BCAN: variants seen among roughly 807,000 people sequenced by gnomAD.
BCAN encodes the protein brevican, also known as brevican core protein.
In BCAN, 51 loss-of-function variants were observed where a neutral mutation model predicts 92.4. The observed-to-expected ratio is 0.55, with a 90% CI of 0.44 to 0.70. The LOEUF (loss-of-function observed/expected upper bound fraction) is 0.70, where lower values mean the gene tolerates loss of function less well. Among genes scored for constraint, BCAN ranks in the 30% least tolerant of loss-of-function variants. The pLI, the probability that BCAN is intolerant of heterozygous loss-of-function variation, is 0.00. For missense variants in BCAN, 1,140 were observed against 1,212.1 expected (o/e 0.94, Z 0.88); for synonymous variants, 501 against 505.2 (o/e 0.99, Z 0.11).
At chr1:156,657,587 C>A in intron 10 of BCAN, 88 bp from the exon 11 acceptor site, 1 of 1,100,662 alleles carries the variant, frequency 9.1e-7, no homozygotes, top group Non-Finnish European at 1.3e-6. Flanking sequence ...GGAAGGGTTT[C>A]CAAGGCAGTC....
chr1:156,643,904 T>C (rs967933950), intron 1 of BCAN: 4 of 152,210 alleles, frequency 2.6e-5, no homozygotes, highest in African/African-American at 7.3e-5. Context: ...TGTGGCCTGC[T>C]CTGGAGGAAG....
At chr1:156,646,633 A>G in intron 2 of BCAN, 168 bp from the exon 3 acceptor site, 3 of 1,172,818 alleles carry the variant, frequency 2.6e-6, no homozygotes, top group Non-Finnish European at 3.4e-6. Context: ...TGGAGGACCT[A>G]GAGGTAGGGC....
rs763994015 is a variant in BCAN, at chr1:156,651,662, C to A, written c.1270C>A (p.Pro424Thr). Residue 424 changes from proline (P) to threonine (T), a missense_variant, in exon 7 of 14, where the codon CCA (proline) becomes ACA (threonine). By Grantham distance (38) the Pro-to-Thr change is conservative. Around this residue, in one of 3 missense-constraint regions of BCAN, gnomAD observed 825 missense variants for 871.8 expected, o/e 0.95. Transcript: ENST00000329117. ...AGGTGGAAGCTCCACTCCAGAAGAC[C>A]CAGCAGAGGCCCCTAGGACGCTCCT... ...GGGGSSTPEDPAEAPRTLLEF... is the reference protein window; with the variant it reads ...GGGGSSTPEDTAEAPRTLLEF... The A allele has an allele frequency of 6.2e-7, 1 of 1,613,036 alleles. No homozygotes were observed. Among genetic ancestry groups the A allele is most frequent in the Non-Finnish European group, 8.5e-7 (1 of 1,179,824 alleles).
chr1:156,650,496 T>C (rs1314040633), intron 6 of BCAN, among the ~76,000 whole-genome samples: 2 of 152,210 alleles, frequency 1.3e-5, no homozygotes, highest in Admixed American at 6.5e-5. Context: ...TAAACCATTC[T>C]AAACTTCTGG....
chr1:156,658,457 G>T lies in BCAN; in HGVS notation c.2438-86G>T. The T allele has an allele frequency of 2.6e-6, 4 of 1,516,026 alleles. No individual in the cohort carries two copies. Among genetic ancestry groups the T allele is most frequent in the Admixed American group, 2.0e-5 (1 of 50,900 alleles). 93.9% of individuals were successfully genotyped at this position (1,516,026 alleles called of 1,614,324 possible). A position where few individuals can be genotyped will look rare whatever the true frequency, so the allele number is the denominator to read the frequency against. ...ATCCCTGATCTTTTTTTGTCATGTT[G>T]TGGCCCATTTTTCTCTTCCCCATGG... On this transcript the variant is annotated intron_variant, in intron 12 of 13. Coordinates refer to ENST00000329117, the MANE Select transcript of BCAN (RefSeq NM_021948.5). The surrounding 1 kb of genome is among the most constrained non-coding windows in gnomAD (Gnocchi z 4.4).
rs1679457173 is a variant in BCAN at position 156,659,465 on chromosome 1, G to A, written c.*331G>A. On this transcript the variant is annotated 3_prime_UTR_variant, in exon 14 of 14. Coordinates refer to ENST00000329117, the MANE Select transcript of BCAN (RefSeq NM_021948.5). Reference sequence around the variant, plus strand: ...CTCTTTCTGGGTTTTCCAAGGGAATGGGCTTGCAGGATGGAGTGTCTGTAA... The same window carrying A: ...CTCTTTCTGGGTTTTCCAAGGGAATAGGCTTGCAGGATGGAGTGTCTGTAA... 6.5e-6 allele frequency: 2 copies of A among 309,950 alleles called. No homozygotes were observed. The highest frequency in any genetic ancestry group is 1.2e-5 in the Non-Finnish European group (2 of 170,144). 19.2% of individuals were successfully genotyped at this position (309,950 alleles called of 1,614,324 possible). A position where few individuals can be genotyped will look rare whatever the true frequency, so the allele number is the denominator to read the frequency against.
At chr1:156,650,344 C>T (rs1679119418) in intron 6 of BCAN, among the ~76,000 whole-genome samples, 1 of 152,114 alleles carries the variant, frequency 6.6e-6, no homozygotes, top group Non-Finnish European at 1.5e-5. Context: ...GAGTAAGGCT[C>T]ACTGGAGCAG....
At chr1:156,654,407 C>T (rs1287757324) in intron 8 of BCAN, among the ~76,000 whole-genome samples, 1 of 152,138 alleles carries the variant, frequency 6.6e-6, no homozygotes, top group Non-Finnish European at 1.5e-5. Flanking sequence ...GGAAGAGGAG[C>T]ACAATTGGAG....
intron 7 of BCAN, 85 bp downstream of exon 7, chr1:156,651,774 A>G (rs1476492612): frequency 6.1e-5 from 73 of 1,197,772 alleles, no homozygotes; most frequent in Non-Finnish European, 8.5e-5. Flanking sequence ...TGCTAGGGTG[A>G]TGGATGACAT....
intron 7 of BCAN, among the ~76,000 whole-genome samples, chr1:156,651,994 A>G (rs972809110): frequency 4.6e-5 from 7 of 152,148 alleles, no homozygotes; most frequent in African/African-American, 1.7e-4. Context: ...GTTTTGACAG[A>G]GTAGGAGGGA....
intron 10 of BCAN, 171 bp from the exon 11 acceptor site, chr1:156,657,504 C>T (rs1485054914): frequency 8.7e-6 from 5 of 575,780 alleles, no homozygotes; most frequent in Non-Finnish European, 1.5e-5. Context: ...ACCCCCATTC[C>T]CCTGCTTTCC....
chr1:156,657,695 T>C lies in BCAN; in HGVS notation c.2230T>C (p.Trp744Arg), dbSNP rs1437145323. ...FINNRYREYQWIGLNDRTIEG... is the reference protein window; with the variant it reads ...FINNRYREYQRIGLNDRTIEG... ...CCTAGACCGGTACCGGGAGTACCAG[T>C]GGATCGGACTCAACGACAGGACCAT... Residue 744 changes from tryptophan (W) to arginine (R), a missense_variant, in exon 11 of 14, where the codon TGG becomes CGG. Trp to Arg is a moderately radical substitution (Grantham distance 101). Around this residue, in one of 3 missense-constraint regions of BCAN, gnomAD observed 825 missense variants for 871.8 expected, o/e 0.95. Transcript: ENST00000329117. 3 of 1,611,740 alleles carry C rather than the reference T, an allele frequency of 1.9e-6. No individual in the cohort carries two copies. Among genetic ancestry groups the C allele is most frequent in the South Asian group, 1.1e-5 (1 of 90,986 alleles).
In BCAN at chr1:156,652,658, G is replaced by A. The variant is rs753803155; in HGVS notation, c.1708G>A (p.Gly570Ser). ...VEAREVGEAT[G>S]GPELSGVPRG... ...GGCAAGAGAGGTGGGGGAGGCAACT[G>A]GTGGTCCTGAGCTATCTGGGGTCCC... is the stretch of plus-strand genomic sequence containing the variant. Residue 570 changes from glycine to serine, a missense_variant, in exon 8 of 14, where the codon GGT becomes AGT. This residue lies in a region of BCAN where 825 missense variants were observed against 871.8 expected (regional missense o/e 0.95). Transcript: ENST00000329117. 1 of 1,613,672 alleles carries A rather than the reference G, an allele frequency of 6.2e-7. No homozygotes were observed. The highest frequency in any genetic ancestry group is 8.5e-7 in the Non-Finnish European group (1 of 1,179,714).
intron 6 of BCAN, among the ~76,000 whole-genome samples, chr1:156,649,419 T>C (rs1257569201): frequency 1.3e-5 from 2 of 152,228 alleles, no homozygotes; most frequent in East Asian, 1.9e-4. Context: ...GTTTCTTTTT[T>C]TGAGACAGGG....
At chr1:156,655,986 C>G (rs1198403856) in intron 8 of BCAN, among the ~76,000 whole-genome samples, 1 of 152,182 alleles carries the variant, frequency 6.6e-6, no homozygotes, top group Non-Finnish European at 1.5e-5. Context: ...GCTGGGTTCT[C>G]AGGGCTCTCC....
intron 6 of BCAN, among the ~76,000 whole-genome samples, chr1:156,650,412 A>T (rs1342583521): frequency 6.6e-6 from 1 of 152,200 alleles, no homozygotes; most frequent in African/African-American, 2.4e-5. Context: ...GACAGCCCTC[A>T]GGACTTTTCT....
chr1:156,653,936 T>C (rs1403775166), intron 8 of BCAN, among the ~76,000 whole-genome samples: 1 of 152,066 alleles, frequency 6.6e-6, no homozygotes, highest in Non-Finnish European at 1.5e-5. Context: ...ATAGAGGCAG[T>C]TCCCTGGCAT....
intron 6 of BCAN, among the ~76,000 whole-genome samples, chr1:156,650,920 G>C (rs973854263): frequency 6.6e-6 from 1 of 152,224 alleles, no homozygotes; most frequent in Non-Finnish European, 1.5e-5. Context: ...TCCAGCCTGG[G>C]TGACAGAAGG....
rs1303139682 is a variant in BCAN at position 156,651,358 on chromosome 1, G to C, written c.1064-98G>C. 3 of 1,129,872 alleles carry C rather than the reference G, an allele frequency of 2.7e-6. No homozygotes were observed. In the African/African-American group the frequency reaches 4.6e-5, roughly 17 times the overall value. The allele number at this position is 1,129,872 out of a possible 1,614,324, so 70.0% of individuals were successfully genotyped here. On this transcript the variant is annotated intron_variant, in intron 6 of 13. Coordinates refer to ENST00000329117, the MANE Select transcript of BCAN (RefSeq NM_021948.5). ...GCCCCAGTAGGTGCTCCACAGGGAA[G>C]ATGTGAGAGAATTGAGAGAATTCCA...
Sources: allele counts gnomAD v4.1 joint callset (sites outside exome capture counted in the v4.1 genomes callset), GRCh38; gene constraint gnomAD v4.1.1; regional missense constraint gnomAD v4.1.1; non-coding constraint Gnocchi (gnomAD v3.1); transcripts MANE v1.5; gene names NCBI Gene and HGNC (gene_info 2026-07-23, HGNC 2026-07-21).